The following DLGAP3 variants were observed in gnomAD, a reference collection of about 807,000 sequenced individuals.
DLGAP3 encodes DLG associated protein 3.
In DLGAP3, 17 loss-of-function variants were observed where a neutral mutation model predicts 81.2. The ratio of observed to expected loss-of-function variants is 0.21; its 90% CI spans 0.14 to 0.31. The LOEUF (loss-of-function observed/expected upper bound fraction) is 0.31. DLGAP3 is among the 10% of genes least tolerant of loss of function. DLGAP3 has a pLI of 1.00. For synonymous variants in DLGAP3, 577 were observed against 587.4 expected, an observed-to-expected ratio of 0.98 and a Z score of 0.26; for missense variants, 1,124 against 1,388.0, an observed-to-expected ratio of 0.81 and a Z score of 3.02.
rs1181887743 is a variant in DLGAP3 at position 34,897,556 on chromosome 1, C to A, written c.1386+2113G>T. Among the ~76,000 whole-genome samples, 4 of 152,096 alleles carry A rather than the reference C, an allele frequency of 2.6e-5. No homozygotes were observed. In the East Asian group the frequency reaches 5.8e-4, roughly 22 times the overall value. ...AGAGGAACTCAGAGGCAGCTCCACT[C>A]CAGCGAGGTCACCAGGTCATGCAGG... is the stretch of plus-strand genomic sequence containing the variant. On this transcript the variant is annotated intron_variant, in intron 5 of 11. Transcript: ENST00000373347.
chr1:34,876,153 C>G (rs950893004), intron 8 of DLGAP3, among the ~76,000 whole-genome samples: 2 of 151,796 alleles, frequency 1.3e-5, no homozygotes, highest in East Asian at 1.9e-4. Context: ...TGAATCTTGG[C>G]GGGGGGGTGG....
chr1:34,912,879 C>G (rs920599307), intron 1 of DLGAP3, among the ~76,000 whole-genome samples: 1 of 152,210 alleles, frequency 6.6e-6, no homozygotes, highest in African/African-American at 2.4e-5. Flanking sequence ...TCCCTCTGCC[C>G]GCTCCGGCCC....
At chr1:34,882,855 C>T (rs1404520454) in intron 8 of DLGAP3, among the ~76,000 whole-genome samples, 1 of 152,182 alleles carries the variant, frequency 6.6e-6, no homozygotes, top group Non-Finnish European at 1.5e-5. Flanking sequence ...CTTCCCACTC[C>T]CCTGCCCCAC....
intron 1 of DLGAP3, among the ~76,000 whole-genome samples, chr1:34,920,149 C>G (rs1195485884): frequency 6.6e-6 from 1 of 152,200 alleles, no homozygotes; most frequent in Admixed American, 6.5e-5. Flanking sequence ...ACTCCTCTCA[C>G]AGTCCACGTG....
In DLGAP3 at chr1:34,885,626, G is replaced by C; in HGVS notation, c.1766C>G (p.Ala589Gly). ...CAACTCCAGTGTGCGCGCACCCATGGCGGGGCCGTCCAGCCCGTCGGCGGA... is the reference window on the plus strand; with the variant it reads ...CAACTCCAGTGTGCGCGCACCCATGCCGGGGCCGTCCAGCCCGTCGGCGGA... ...CSSADGLDGP[A>G]MGARTLELAP... Residue 589 changes from alanine to glycine, a missense_variant, in exon 7 of 12, where the codon GCC becomes GGC. Transcript: ENST00000373347. 1.3e-6 allele frequency: 2 copies of C among 1,543,458 alleles called. No homozygotes were observed. Among genetic ancestry groups the C allele is most frequent in the Non-Finnish European group, 8.7e-7 (1 of 1,149,720 alleles).
At chr1:34,866,367 C>CG (rs1310034547) in intron 11 of DLGAP3, 66 bp from the exon 12 acceptor site, 1 of 1,311,368 alleles carries the variant, frequency 7.6e-7, no homozygotes, top group African/African-American at 1.5e-5. Flanking sequence ...TGTCCGCCCC[C>CG]GCACCCCCGC....
chr1:34,925,198 T>A (rs1010966559), intron 1 of DLGAP3, among the ~76,000 whole-genome samples: 62 of 138,402 alleles, frequency 4.5e-4, no homozygotes, highest in African/African-American at 1.7e-3. Context: ...CCCCCCACCT[T>A]CCCTCTATGT....
At position 34,868,926 on chromosome 1, in the gene DLGAP3, C is replaced by T. The variant is rs1243051881; in HGVS notation, c.2164G>A (p.Ala722Thr). 1.2e-6 allele frequency: 2 copies of T among 1,608,924 alleles called. No homozygotes were observed. The highest frequency in any genetic ancestry group is 1.3e-5 in the African/African-American group (1 of 75,038). ...HASEPQPGPRAPTYSVFRTVH... is the reference protein window; with the variant it reads ...HASEPQPGPRTPTYSVFRTVH... ...GTGCGGAAGACTGAGTAGGTGGGGG[C>T]CCGGGGCCCAGGCTGGGGCTCAGAG... The change falls in exon 9 of 12, where the codon GCC becomes ACC. Residue 722 changes from alanine to threonine, a missense_variant. By Grantham distance (58) the Ala-to-Thr change is moderately conservative. Around this residue, in one of 9 missense-constraint regions of DLGAP3, gnomAD observed 379 missense variants for 455.7 expected, o/e 0.83. Transcript: ENST00000373347. The surrounding 1 kb of genome is among the most constrained non-coding windows in gnomAD (Gnocchi z 7.5).
intron 8 of DLGAP3, among the ~76,000 whole-genome samples, chr1:34,876,551 G>A (rs1639061989): frequency 1.3e-5 from 2 of 152,142 alleles, no homozygotes; most frequent in Non-Finnish European, 2.9e-5. Context: ...GGTGTGTGAG[G>A]AGTCAGACTT....
chr1:34,917,390 C>G (rs562272594), intron 1 of DLGAP3, among the ~76,000 whole-genome samples: 33 of 151,154 alleles, frequency 2.2e-4, no homozygotes, highest in African/African-American at 6.8e-4. Context: ...CTCTGTCACC[C>G]AGGCCGGAGT....
At chr1:34,878,480 G>A (rs1639093036) in intron 8 of DLGAP3, among the ~76,000 whole-genome samples, 1 of 151,964 alleles carries the variant, frequency 6.6e-6, no homozygotes. Context: ...TAGTAAGGAT[G>A]AAAAGCAGCC....
chr1:34,868,960 C>A lies in DLGAP3; in HGVS notation c.2130G>T (p.Gln710His). The A allele has an allele frequency of 6.2e-7, 1 of 1,609,860 alleles. No individual in the cohort carries two copies. ...CAGGCTGGGGCTCAGAGGCGTGCCTCTGGAAGGAGCGTCCAAACTGCAGGG... is the reference window on the plus strand; with the variant it reads ...CAGGCTGGGGCTCAGAGGCGTGCCTATGGAAGGAGCGTCCAAACTGCAGGG... Reference protein sequence around the residue: ...DKALQFGRSFQRHASEPQPGP... With the variant: ...DKALQFGRSFHRHASEPQPGP... The change falls in exon 9 of 12, where the codon CAG (glutamine) becomes CAT (histidine). Residue 710 changes from glutamine to histidine, a missense_variant. Gln to His is a conservative substitution (Grantham distance 24). Coordinates refer to ENST00000373347, the MANE Select transcript of DLGAP3 (RefSeq NM_001080418.3). This position sits in a 1 kb window ranked among gnomAD's most constrained non-coding sequence, Gnocchi z 7.5.
chr1:34,867,399 A>G lies in DLGAP3; in HGVS notation c.2577+137T>C, dbSNP rs1638902469. Reference sequence around the variant, plus strand: ...TCCTACCTCCAGGCACAAGACTCACAGCTACCCCAGAAGGCATGCAGGCCT... The same window carrying G: ...TCCTACCTCCAGGCACAAGACTCACGGCTACCCCAGAAGGCATGCAGGCCT... On this transcript the variant is annotated intron_variant, in intron 10 of 11. Coordinates refer to ENST00000373347, the MANE Select transcript of DLGAP3 (RefSeq NM_001080418.3). The surrounding 1 kb of genome is among the most constrained non-coding windows in gnomAD (Gnocchi z 4.3). 3.8e-6 allele frequency: 4 copies of G among 1,052,322 alleles called. No homozygotes were observed. The highest frequency in any genetic ancestry group is 5.9e-6 in the Non-Finnish European group (4 of 673,856). The allele number at this position is 1,052,322 out of a possible 1,614,324, so 65.2% of individuals were successfully genotyped here.
intron 8 of DLGAP3, among the ~76,000 whole-genome samples, chr1:34,882,347 G>A (rs568615972): frequency 1.3e-5 from 2 of 152,118 alleles, no homozygotes; most frequent in Admixed American, 6.5e-5. Context: ...GCGTGGTGGC[G>A]GGTGCCTGTA....
At chr1:34,893,231 A>G (rs1433258589) in intron 5 of DLGAP3, among the ~76,000 whole-genome samples, 2 of 151,820 alleles carry the variant, frequency 1.3e-5, no homozygotes, top group African/African-American at 2.4e-5. Context: ...GGAGTGGTAT[A>G]TTCTAAGTGC....
rs1639227652 is a variant in DLGAP3 at position 34,886,292 on chromosome 1, G to A, written c.1387-7C>T. 6.3e-7 allele frequency: 1 copy of A among 1,576,212 alleles called. No homozygotes were observed. Among genetic ancestry groups the A allele is most frequent in the Non-Finnish European group, 8.6e-7 (1 of 1,160,366 alleles). Reference sequence around the variant, plus strand: ...GGTTCAACTCATCGCTGAGCTGGGGGGCAGGGGGTCGGGAGGACAGTTATA... The same window carrying A: ...GGTTCAACTCATCGCTGAGCTGGGGAGCAGGGGGTCGGGAGGACAGTTATA... On this transcript the variant is annotated splice_region_variant and splice_polypyrimidine_tract_variant and intron_variant, in intron 5 of 11. Coordinates refer to ENST00000373347, the MANE Select transcript of DLGAP3 (RefSeq NM_001080418.3).
intron 1 of DLGAP3, among the ~76,000 whole-genome samples, chr1:34,912,703 G>C (rs1639656723): frequency 6.6e-6 from 1 of 152,134 alleles, no homozygotes; most frequent in Non-Finnish European, 1.5e-5. Flanking sequence ...GGATCCCACA[G>C]TTTTAGGCTT....
Position 34,904,363 on chromosome 1 carries a change from G to A in DLGAP3, c.1021C>T (p.Arg341Trp), listed in dbSNP as rs749287337. 1.1e-5 allele frequency: 18 copies of A among 1,612,992 alleles called. No homozygotes were observed. The highest frequency in any genetic ancestry group is 4.0e-5 in the African/African-American group (3 of 74,898). Residue 341 changes from arginine to tryptophan, a missense_variant, in exon 3 of 12, where the codon CGG (arginine) becomes TGG (tryptophan). By Grantham distance (101) the Arg-to-Trp change is moderately radical (BLOSUM62 -3). Around this residue, in one of 9 missense-constraint regions of DLGAP3, gnomAD observed 357 missense variants for 408.8 expected, o/e 0.87. Transcript: ENST00000373347. This position sits in a 1 kb window ranked among gnomAD's most constrained non-coding sequence, Gnocchi z 8.1. ...GGCCCGGCCCCCGGGTATCCATCCCGGCCCTGGCTGACCATCATGGTATGC... is the reference window on the plus strand; with the variant it reads ...GGCCCGGCCCCCGGGTATCCATCCCAGCCCTGGCTGACCATCATGGTATGC... ...AWHTMMVSQGRDGYPGAGPGK... is the reference protein window; with the variant it reads ...AWHTMMVSQGWDGYPGAGPGK...
rs1045830957 is a variant in DLGAP3, at chr1:34,873,311, T to C, written c.2001-4222A>G. The stretch of plus-strand genomic sequence containing the variant: ...CAATGAAGTGGGCGATGGGGGGTGG[T>C]TATCTGCTGGAGATGTCTGGGGAGT... On this transcript the variant is annotated intron_variant, in intron 8 of 11. Coordinates refer to ENST00000373347, the MANE Select transcript of DLGAP3 (RefSeq NM_001080418.3). The surrounding 1 kb of genome is among the most constrained non-coding windows in gnomAD (Gnocchi z 4.2). Among the ~76,000 whole-genome samples, 23 of 152,298 alleles carry C rather than the reference T, an allele frequency of 1.5e-4. No individual in the cohort carries two copies. Among genetic ancestry groups the C allele is most frequent in the Non-Finnish European group, 2.5e-4 (17 of 68,036 alleles).
Sources: allele counts gnomAD v4.1 joint callset (sites outside exome capture counted in the v4.1 genomes callset), GRCh38; gene constraint gnomAD v4.1.1; regional missense constraint gnomAD v4.1.1; non-coding constraint Gnocchi (gnomAD v3.1); transcripts MANE v1.5; gene names NCBI Gene and HGNC (gene_info 2026-07-23, HGNC 2026-07-21).